The following SLC25A26 variants were observed in gnomAD, a reference collection of about 807,000 sequenced individuals.
The protein encoded by SLC25A26 is mitochondrial S-adenosylmethionine carrier protein.
Under a neutral mutation model 37.8 loss-of-function variants are expected in SLC25A26, and 36 were observed. That is an observed-to-expected ratio of 0.95 (90% CI 0.73 to 1.26). The LOEUF (loss-of-function observed/expected upper bound fraction) is 1.26. SLC25A26 is among the 50% of genes most tolerant of loss of function. The pLI, the probability that SLC25A26 is intolerant of heterozygous loss-of-function variation, is 0.00. For missense variants in SLC25A26, 390 were observed against 331.1 expected, an observed-to-expected ratio of 1.18 and a Z score of -1.38; for synonymous variants, 129 against 122.5, an observed-to-expected ratio of 1.05 and a Z score of -0.35.
chr3:66,175,140 T>TATATACACACACAC (rs1413714739), intron 1 of SLC25A26, among the ~76,000 whole-genome samples: 5 of 67,006 alleles, frequency 7.5e-5, no homozygotes, highest in African/African-American at 2.6e-4. Flanking sequence ...TATATATATA[T>TATATACACACACAC]ACACACACAC....
intron 1 of SLC25A26, among the ~76,000 whole-genome samples, chr3:66,159,926 A>T (rs1204278639): frequency 6.6e-6 from 1 of 152,174 alleles, no homozygotes; most frequent in Non-Finnish European, 1.5e-5. Flanking sequence ...GTAGTAAGTG[A>T]TGAAAAAATG....
At chr3:66,168,530 A>G (rs1246271602) in intron 1 of SLC25A26, among the ~76,000 whole-genome samples, 1 of 152,144 alleles carries the variant, frequency 6.6e-6, no homozygotes, top group Admixed American at 6.5e-5. Flanking sequence ...GTTTTGACTT[A>G]TGGTCAGAAC....
intron 5 of SLC25A26, among the ~76,000 whole-genome samples, chr3:66,322,896 A>T (rs1238143034): frequency 1.3e-5 from 2 of 151,644 alleles, no homozygotes; most frequent in Non-Finnish European, 3.0e-5. Context: ...AGGTTTTGTG[A>T]TCAAGTGGGA....
In SLC25A26 at chr3:66,377,824, A is replaced by AC. The variant is rs778428660; in HGVS notation, c.*19dup. On this transcript the variant is annotated 3_prime_UTR_variant, in exon 10 of 10. Transcript: ENST00000354883. ...AGTCCTTGAAGCAGAGACAAGCCTC[A>AC]CCTCCACTTCTGTCAAGAGAGGGGC... 2.5e-6 allele frequency: 4 copies of AC among 1,585,352 alleles called. No individual in the cohort carries two copies. In the African/African-American group the frequency reaches 5.4e-5, roughly 21 times the overall value.
At chr3:66,143,595 AATT>A (rs1477688329) in intron 1 of SLC25A26, among the ~76,000 whole-genome samples, 5 of 152,188 alleles carry the variant, frequency 3.3e-5, no homozygotes, top group African/African-American at 1.2e-4. Flanking sequence ...TTAAAAAAAA[AATT>A]ATTGGCTGGG....
intron 1 of SLC25A26, among the ~76,000 whole-genome samples, chr3:66,177,686 A>T (rs980724259): frequency 6.6e-6 from 1 of 152,268 alleles, no homozygotes; most frequent in African/African-American, 2.4e-5. Context: ...ACACTGTATG[A>T]AACCACCTTA....
intron 6 of SLC25A26, among the ~76,000 whole-genome samples, chr3:66,349,310 A>G (rs1242005857): frequency 2.0e-5 from 3 of 152,164 alleles, no homozygotes; most frequent in South Asian, 4.1e-4. Context: ...GTGAGTTTCA[A>G]TAAATGTTTA....
Position 66,358,390 on chromosome 3 carries a change from T to G in SLC25A26, c.499-4470T>G, listed in dbSNP as rs1466636753. 2.0e-5 allele frequency among the ~76,000 whole-genome samples: 3 copies of G among 152,256 alleles called. No homozygotes were observed. In the East Asian group the frequency reaches 5.8e-4, roughly 29 times the overall value. On this transcript the variant is annotated intron_variant, in intron 6 of 9. Transcript: ENST00000354883. Reference sequence around the variant, plus strand: ...GACAATTCCTCATTTAGAAAAATCATTTCAAACTCATTTAAGCAAGTTGTT... The same window carrying G: ...GACAATTCCTCATTTAGAAAAATCAGTTCAAACTCATTTAAGCAAGTTGTT...
chr3:66,189,651 G>A (rs1369611161), intron 1 of SLC25A26, among the ~76,000 whole-genome samples: 1 of 152,116 alleles, frequency 6.6e-6, no homozygotes, highest in Admixed American at 6.6e-5. Flanking sequence ...CATGTACTGT[G>A]TGCTTTCTTT....
rs141622760 is a variant in SLC25A26 at position 66,272,233 on chromosome 3, T to C, written c.453+8854T>C. Among the ~76,000 whole-genome samples, 135 of 152,270 alleles carry C rather than the reference T, an allele frequency of 8.9e-4. 1 individual carries two copies. The East Asian group carries it at 0.025, about 28-fold the overall frequency. On this transcript the variant is annotated intron_variant, in intron 5 of 9. Coordinates refer to ENST00000354883, the MANE Select transcript of SLC25A26 (RefSeq NM_001379210.1). ...AAACTAAAGCTTGGTAAGTTTGTGG[T>C]TGGCCCAGGGTCTCATACCAGTAAG...
chr3:66,367,419 T>C (rs1575616408), intron 7 of SLC25A26, among the ~76,000 whole-genome samples: 1 of 152,234 alleles, frequency 6.6e-6, no homozygotes, highest in African/African-American at 2.4e-5. Context: ...AGCATGGGGA[T>C]GTAAGAGTTC....
rs1325838750 is a variant in SLC25A26, at chr3:66,209,040, G to GTATGTATATATATATATA, written c.-353-11699_-353-11698insGTATATATATATATATAT. Among the ~76,000 whole-genome samples the GTATGTATATATATATATA allele has an allele frequency of 9.0e-5, 3 of 33,492 alleles. 1 individual carries two copies. The highest frequency in any genetic ancestry group is 1.2e-4 in the Non-Finnish European group (2 of 16,062). 22.0% of individuals were successfully genotyped at this position (33,492 alleles called of 152,430 possible). On this transcript the variant is annotated intron_variant, in intron 1 of 10. Transcript: ENST00000676754. ...TATATATACACACCCATATAAAGGT[G>GTATGTATATATATATATA]TATATATATATATATATATATATAT...
intron 1 of SLC25A26, among the ~76,000 whole-genome samples, chr3:66,227,956 G>C (rs2071834482): frequency 6.6e-6 from 1 of 152,110 alleles, no homozygotes; most frequent in South Asian, 2.1e-4. Context: ...TGACCTCCTA[G>C]TTTTCAATTT....
intron 1 of SLC25A26, among the ~76,000 whole-genome samples, chr3:66,150,616 A>G (rs1181294870): frequency 2.2e-4 from 9 of 40,514 alleles, no homozygotes; most frequent in African/African-American, 1.1e-3. Flanking sequence ...ATATATATAT[A>G]TATATATATA....
rs28503313 is a variant in SLC25A26 at position 66,142,804 on chromosome 3, C to A, written c.-354+8820C>A. Among the ~76,000 whole-genome samples, 739 of 152,222 alleles carry A rather than the reference C, an allele frequency of 4.9e-3. 7 individuals are homozygous for A. The highest frequency in any genetic ancestry group is 0.017 in the African/African-American group (710 of 41,540). ...TTTGAGACAGGGTCTGCCTCTGTCA[C>A]CCAGGCTGGAGTACAGTGGTGTGAT... On this transcript the variant is annotated intron_variant, in intron 1 of 10. Transcript: ENST00000676754.
chr3:66,334,154 G>T (rs915251961), intron 5 of SLC25A26, among the ~76,000 whole-genome samples: 1 of 152,098 alleles, frequency 6.6e-6, no homozygotes, highest in Non-Finnish European at 1.5e-5. Flanking sequence ...TCAACCTTTT[G>T]CTTCTTTCTC....
intron 1 of SLC25A26, among the ~76,000 whole-genome samples, chr3:66,204,250 C>G (rs1474615459): frequency 7.3e-5 from 11 of 151,476 alleles, no homozygotes; most frequent in African/African-American, 2.7e-4. Context: ...ACGGTGAAAC[C>G]CCGTCTCTGC....
At chr3:66,291,224 G>T (rs1035251081) in intron 5 of SLC25A26, among the ~76,000 whole-genome samples, 1 of 151,836 alleles carries the variant, frequency 6.6e-6, no homozygotes, top group East Asian at 1.9e-4. Context: ...TATTTGTCTG[G>T]CTAGTGGTCT....
intron 1 of SLC25A26, among the ~76,000 whole-genome samples, chr3:66,187,118 C>A (rs951816299): frequency 7.9e-5 from 12 of 151,884 alleles, no homozygotes; most frequent in Admixed American, 2.6e-4. Flanking sequence ...TGACCCTGAT[C>A]CTCAACCAGA....
Sources: gnomAD v4.1 joint callset for allele counts (sites outside exome capture counted in the v4.1 genomes callset) on GRCh38, gnomAD v4.1.1 for gene constraint, MANE v1.5 for transcripts, NCBI Gene and HGNC (gene_info 2026-07-23, HGNC 2026-07-21) for gene names.